RBPJ: variants seen among roughly 807,000 people sequenced by gnomAD.
RBPJ encodes recombining binding protein suppressor of hairless.
RBPJ carries 9 observed loss-of-function variants against 67.8 expected under a neutral mutation model. The ratio of observed to expected loss-of-function variants is 0.13; its 90% confidence interval spans 0.08 to 0.23. The LOEUF is 0.23. RBPJ is among the 10% of genes least tolerant of loss of function. The pLI is 1.00. For missense variants in RBPJ, 305 were observed against 595.6 expected (o/e 0.51, Z 5.08); for synonymous variants, 198 against 203.3 (o/e 0.97, Z 0.22).
intron 1 of RBPJ, among the ~76,000 whole-genome samples, chr4:26,276,395 C>T (rs1721087208): frequency 6.6e-6 from 1 of 152,046 alleles, no homozygotes; most frequent in Non-Finnish European, 1.5e-5. Flanking sequence ...TAAAACAAAG[C>T]TTCAGAAATT....
chr4:26,152,901 G>A, the RBPJ span, among the ~76,000 whole-genome samples: 1 of 152,336 alleles, frequency 6.6e-6, no homozygotes, highest in South Asian at 2.1e-4. Flanking sequence ...AACACTCTGG[G>A]AGTGGGCAAA....
intron 1 of RBPJ, among the ~76,000 whole-genome samples, chr4:26,378,867 A>C (rs1484786116): frequency 1.3e-5 from 2 of 152,062 alleles, no homozygotes; most frequent in Non-Finnish European, 2.9e-5. Flanking sequence ...TCTCTACAAA[A>C]ATACAAAAAT....
chr4:26,234,912 C>T (rs1384331933), intron 1 of RBPJ, among the ~76,000 whole-genome samples: 1 of 151,992 alleles, frequency 6.6e-6, no homozygotes, highest in African/African-American at 2.4e-5. Flanking sequence ...AGGCTGGTTT[C>T]GAACTCCTGA....
chr4:26,380,398 G>A (rs1045818596), intron 1 of RBPJ, among the ~76,000 whole-genome samples: 1 of 152,078 alleles, frequency 6.6e-6, no homozygotes, highest in Non-Finnish European at 1.5e-5. Flanking sequence ...CCCTACTAGA[G>A]GTGCTTAATA....
At chr4:26,284,136 T>C (rs1721379672) in intron 1 of RBPJ, among the ~76,000 whole-genome samples, 2 of 152,354 alleles carry the variant, frequency 1.3e-5, no homozygotes, top group Middle Eastern at 3.4e-3. Flanking sequence ...ATTTATCTTA[T>C]TGTTATATGT....
intron 1 of RBPJ, among the ~76,000 whole-genome samples, chr4:26,220,561 C>T (rs1718867777): frequency 6.6e-6 from 1 of 152,142 alleles, no homozygotes; most frequent in Non-Finnish European, 1.5e-5. Flanking sequence ...TGTTGCAAAA[C>T]AGGTCTTGAA....
At chr4:26,332,988 A>G (rs1355495555) in intron 1 of RBPJ, among the ~76,000 whole-genome samples, 2 of 152,192 alleles carry the variant, frequency 1.3e-5, no homozygotes, top group East Asian at 1.9e-4. Context: ...GTGAGCCACT[A>G]TAGTCTTATA....
intron 1 of RBPJ, among the ~76,000 whole-genome samples, chr4:26,327,296 C>T (rs1031191151): frequency 2.6e-5 from 4 of 152,126 alleles, no homozygotes; most frequent in Non-Finnish European, 2.9e-5. Context: ...ATTACCTATC[C>T]GTATAGATAT....
the RBPJ span, among the ~76,000 whole-genome samples, chr4:26,145,915 T>G: frequency 6.6e-6 from 1 of 152,212 alleles, no homozygotes; most frequent in Admixed American, 6.5e-5. Flanking sequence ...AAATAAGTTC[T>G]TTTATTTTGG....
intron 1 of RBPJ, among the ~76,000 whole-genome samples, chr4:26,344,795 G>A (rs1326482700): frequency 6.6e-6 from 1 of 152,088 alleles, no homozygotes; most frequent in Admixed American, 6.6e-5. Context: ...CAGTATTTCT[G>A]GTGTTAGAGT....
chr4:26,295,413 G>C (rs1248401236), intron 1 of RBPJ, among the ~76,000 whole-genome samples: 1 of 152,136 alleles, frequency 6.6e-6, no homozygotes, highest in African/African-American at 2.4e-5. Flanking sequence ...TGTTGCAGTA[G>C]TAGTAGTAGT....
At chr4:26,187,736 T>C (rs993154044) in intron 1 of RBPJ, among the ~76,000 whole-genome samples, 1 of 152,020 alleles carries the variant, frequency 6.6e-6, no homozygotes, top group Non-Finnish European at 1.5e-5. Flanking sequence ...AATTAGTAGA[T>C]GGGGGCTGGG....
intron 1 of RBPJ, among the ~76,000 whole-genome samples, chr4:26,184,620 A>G (rs554296389): frequency 6.6e-6 from 1 of 152,206 alleles, no homozygotes; most frequent in East Asian, 1.9e-4. Context: ...CAGAGGACTC[A>G]GGGGAGGCTG....
rs1275955212 is a variant in RBPJ at position 26,430,987 on chromosome 4, A to G, written c.1444A>G (p.Thr482Ala). 2.5e-6 allele frequency: 4 copies of G among 1,613,832 alleles called. No individual in the cohort carries two copies. The highest frequency in any genetic ancestry group is 1.7e-4 in the Middle Eastern group (1 of 6,030). ...AAATTCAACCAGTGTCACATCATCT[A>G]CAGCCACAGTGGTATCCTAACTACC... is the stretch of plus-strand genomic sequence containing the variant. ...STNSTSVTSS[T>A]ATVVS Residue 482 changes from threonine to alanine, a missense_variant, in exon 11 of 11, where the codon ACA (threonine) becomes GCA (alanine). Physicochemically the swap from Thr to Ala is moderately conservative, Grantham distance 58 (BLOSUM62 0). Around this residue, in one of 7 missense-constraint regions of RBPJ, gnomAD observed 51 missense variants for 52.8 expected, o/e 0.97. Transcript: ENST00000355476. The surrounding 1 kb of genome is among the most constrained non-coding windows in gnomAD (Gnocchi z 4.1).
rs767033258 is a variant in RBPJ at position 26,430,752 on chromosome 4, A to G, written c.1209A>G (p.Arg403=). ...TTTCTGCATTCCGAGAAGGTTGGAG[A>G]TGGGTCCGGCAACCAGTCCAGGTTC... The part of the protein sequence containing the change: ...PDISAFREGW[R]WVRQPVQVPV... The change falls in exon 11 of 11, where the codon AGA becomes AGG. Residue 403 remains arginine (R), a synonymous_variant. Transcript: ENST00000355476. This position sits in a 1 kb window ranked among gnomAD's most constrained non-coding sequence, Gnocchi z 4.1. 1.9e-6 allele frequency: 3 copies of G among 1,613,940 alleles called. No homozygotes were observed. In the South Asian group the frequency reaches 3.3e-5, roughly 18 times the overall value.
At chr4:26,116,806 G>A in the RBPJ span, among the ~76,000 whole-genome samples, 2 of 152,224 alleles carry the variant, frequency 1.3e-5, no homozygotes, top group Admixed American at 1.3e-4. Flanking sequence ...CACCTTCTCT[G>A]TCACTAGGGA....
In RBPJ at chr4:26,321,068, A is replaced by C. The variant is rs751401144; in HGVS notation, c.20+20A>C. The C allele has an allele frequency of 1.9e-6, 3 of 1,585,326 alleles. No individual in the cohort carries two copies. In the South Asian group the frequency reaches 3.3e-5, roughly 18 times the overall value. ...GACAGGGTAAGTCTGAGGGAATCGG[A>C]GCGCCGGGAACCGGGAAAGTTGCGG... On this transcript the variant is annotated intron_variant, in intron 1 of 10. Coordinates refer to ENST00000355476, the MANE Select transcript of RBPJ (RefSeq NM_015874.6).
rs777809552 is a variant in RBPJ at position 26,424,756 on chromosome 4, T to C, written c.747+13T>C. ...ACTCCCAAGATTGGTATGGCTCTAC[T>C]TTTGCTTTAGTGATAATGTGAAGTA... On this transcript the variant is annotated intron_variant, in intron 7 of 10. Transcript: ENST00000355476. This position sits in a 1 kb window ranked among gnomAD's most constrained non-coding sequence, Gnocchi z 5.3. 2 of 1,494,454 alleles carry C rather than the reference T, an allele frequency of 1.3e-6. No individual in the cohort carries two copies. The highest frequency in any genetic ancestry group is 2.4e-5 in the South Asian group (2 of 84,632). The allele number at this position is 1,494,454 out of a possible 1,614,324, so 92.6% of individuals were successfully genotyped here. A position where few individuals can be genotyped will look rare whatever the true frequency, so the allele number is the denominator to read the frequency against.
intron 1 of RBPJ, among the ~76,000 whole-genome samples, chr4:26,175,965 A>T (rs1440397911): frequency 2.6e-5 from 4 of 152,150 alleles, no homozygotes; most frequent in African/African-American, 9.7e-5. Flanking sequence ...TGTGGAGAAA[A>T]GTGAAATCAC....
Sources: allele counts gnomAD v4.1 joint callset (sites outside exome capture counted in the v4.1 genomes callset), GRCh38; gene constraint gnomAD v4.1.1; regional missense constraint gnomAD v4.1.1; non-coding constraint Gnocchi (gnomAD v3.1); transcripts MANE v1.5; gene names NCBI Gene and HGNC (gene_info 2026-07-23, HGNC 2026-07-21).